The following ADK variants were observed in gnomAD, a reference collection of about 807,000 sequenced individuals.
ADK encodes N6,N6-dimethyladenosine kinase.
ADK carries 24 observed loss-of-function variants against 44.7 expected under a neutral mutation model. The ratio of observed to expected loss-of-function variants is 0.54; its 90% CI spans 0.39 to 0.76. ADK has a LOEUF of 0.76. ADK is among the 30% of genes least tolerant of loss of function. The probability of loss-of-function intolerance (pLI) is 0.00; values close to 1 mark genes in which losing one functional copy is unlikely to be tolerated. For synonymous variants in ADK, 128 were observed against 142.6 expected (o/e 0.90, Z 0.73); for missense variants, 321 against 425.1 (o/e 0.76, Z 2.15).
chr10:74,679,997 T>TTGTTTACA (rs1439044683), intron 10 of ADK, among the ~76,000 whole-genome samples: 1 of 150,390 alleles, frequency 6.6e-6, no homozygotes, highest in Non-Finnish European at 1.5e-5. Context: ...AGTATAGAAC[T>TTGTTTACA]GTAAGTTCTA....
At chr10:74,171,706 A>G (rs1380238557) in intron 1 of ADK, among the ~76,000 whole-genome samples, 1 of 152,172 alleles carries the variant, frequency 6.6e-6, no homozygotes, top group African/African-American at 2.4e-5. Context: ...CTTTTAGGAA[A>G]AAAATAGGGT....
intron 7 of ADK, among the ~76,000 whole-genome samples, chr10:74,534,528 T>A (rs1378264806): frequency 9.2e-5 from 14 of 152,182 alleles, no homozygotes; most frequent in Admixed American, 7.2e-4. Flanking sequence ...CAACTAAAAA[T>A]TATCATAACC....
intron 4 of ADK, among the ~76,000 whole-genome samples, chr10:74,350,142 C>A (rs1461698417): frequency 6.6e-6 from 1 of 152,180 alleles, no homozygotes; most frequent in Admixed American, 6.5e-5. Context: ...GGCACTTATT[C>A]TCAAATCAAC....
intron 1 of ADK, among the ~76,000 whole-genome samples, chr10:74,178,464 T>C (rs768869724): frequency 2.5e-4 from 38 of 152,218 alleles, no homozygotes; most frequent in Non-Finnish European, 5.0e-4. Context: ...ACTCTTATTA[T>C]CACAGAATGC....
intron 9 of ADK, among the ~76,000 whole-genome samples, chr10:74,647,685 A>G (rs1035856477): frequency 1.3e-5 from 2 of 152,172 alleles, no homozygotes; most frequent in African/African-American, 2.4e-5. Context: ...TCTAGGAGCT[A>G]TTTATCAAAA....
At chr10:74,486,130 C>T (rs1278017177) in intron 6 of ADK, among the ~76,000 whole-genome samples, 2 of 152,010 alleles carry the variant, frequency 1.3e-5, no homozygotes, top group African/African-American at 2.4e-5. Flanking sequence ...ATCATGGGGG[C>T]GGTATCCTTC....
At chr10:74,511,084 T>C (rs1848302970) in intron 6 of ADK, among the ~76,000 whole-genome samples, 1 of 152,208 alleles carries the variant, frequency 6.6e-6, no homozygotes, top group Non-Finnish European at 1.5e-5. Flanking sequence ...CATATGGCTA[T>C]CCAGTTTGCT....
At chr10:74,255,996 G>T (rs1219957086) in intron 3 of ADK, among the ~76,000 whole-genome samples, 2 of 152,164 alleles carry the variant, frequency 1.3e-5, no homozygotes, top group Non-Finnish European at 2.9e-5. Flanking sequence ...TCTGGAATCA[G>T]TGTTGAGGGA....
At chr10:74,568,458 A>G (rs761267401) in intron 7 of ADK, among the ~76,000 whole-genome samples, 1 of 152,136 alleles carries the variant, frequency 6.6e-6, no homozygotes. Context: ...TGTTACAGGA[A>G]AGGGGTCCTA....
At chr10:74,419,707 G>A (rs916703468) in intron 6 of ADK, among the ~76,000 whole-genome samples, 8 of 152,038 alleles carry the variant, frequency 5.3e-5, no homozygotes, top group African/African-American at 1.9e-4. Context: ...ACCCCAATTG[G>A]TACATTTTAG....
intron 10 of ADK, among the ~76,000 whole-genome samples, chr10:74,672,667 T>C (rs759428934): frequency 7.2e-5 from 11 of 152,206 alleles, no homozygotes; most frequent in African/African-American, 2.7e-4. Flanking sequence ...AGAATACTTA[T>C]GTTGCCATCT....
chr10:74,176,437 C>G (rs1192542735), intron 1 of ADK: 22 of 1,053,882 alleles, frequency 2.1e-5, no homozygotes, highest in Non-Finnish European at 2.3e-5. Flanking sequence ...GGGAGCTGAG[C>G]TTGCCGAGGT....
chr10:74,706,014 GT>G (rs1343421901), intron 10 of ADK, among the ~76,000 whole-genome samples: 2 of 152,174 alleles, frequency 1.3e-5, no homozygotes, highest in African/African-American at 4.8e-5. Context: ...TTGTGACAAA[GT>G]TCAGATTATT....
chr10:74,263,454 A>G (rs956078882), intron 3 of ADK, among the ~76,000 whole-genome samples: 3 of 152,208 alleles, frequency 2.0e-5, no homozygotes, highest in Non-Finnish European at 4.4e-5. Context: ...GTTTTTCCTT[A>G]TGAAATACTT....
intron 1 of ADK, among the ~76,000 whole-genome samples, chr10:74,177,221 G>A (rs1005376810): frequency 2.7e-5 from 4 of 148,982 alleles, no homozygotes; most frequent in African/African-American, 1.0e-4. Flanking sequence ...GGGCCGGAGG[G>A]AGCGTGGCGT....
In ADK at chr10:74,310,271, G is replaced by A. The variant is rs184638640; in HGVS notation, c.195-4396G>A. The stretch of plus-strand genomic sequence containing the variant: ...TAAGGAAAATATATAGAAGTTTCCC[G>A]TAAAATGTAATAATATCATAAACTC... On this transcript the variant is annotated intron_variant, in intron 3 of 10. Transcript: ENST00000539909. Among the ~76,000 whole-genome samples, 12 of 152,218 alleles carry A rather than the reference G, an allele frequency of 7.9e-5. No homozygotes were observed. In the East Asian group the frequency reaches 9.6e-4, roughly 12 times the overall value.
intron 6 of ADK, among the ~76,000 whole-genome samples, chr10:74,472,278 G>A (rs183875087): frequency 9.2e-5 from 14 of 152,230 alleles, no homozygotes; most frequent in East Asian, 1.9e-4. Context: ...TTTTACCATC[G>A]AGTATTATAT....
At chr10:74,505,545 A>C (rs1161313917) in intron 6 of ADK, among the ~76,000 whole-genome samples, 5 of 138,578 alleles carry the variant, frequency 3.6e-5, no homozygotes, top group African/African-American at 1.1e-4. Flanking sequence ...TGCCATATCC[A>C]CAGTCTCTTT....
At chr10:74,161,316 C>T (rs1172239822) in intron 1 of ADK, among the ~76,000 whole-genome samples, 2 of 152,178 alleles carry the variant, frequency 1.3e-5, no homozygotes, top group Admixed American at 1.3e-4. Flanking sequence ...ATTCTCCTGC[C>T]TCAGCCTCCC....
Sources: allele counts gnomAD v4.1 joint callset (sites outside exome capture counted in the v4.1 genomes callset), GRCh38; gene constraint gnomAD v4.1.1; transcripts MANE v1.5; gene names NCBI Gene and HGNC (gene_info 2026-07-23, HGNC 2026-07-21).